The following SON variants were observed in gnomAD, a reference collection of about 807,000 sequenced individuals.
SON encodes the protein protein SON.
SON carries 4 observed loss-of-function variants against 173.3 expected under a neutral mutation model. The observed-to-expected ratio is 0.02, with a 90% CI of 0.01 to 0.05. The LOEUF is 0.05. Among genes scored for constraint, SON ranks in the 10% least tolerant of loss-of-function variants. The probability of loss-of-function intolerance (pLI) is 1.00; values close to 1 mark genes in which losing one functional copy is unlikely to be tolerated. For missense variants in SON, 2,626 were observed against 3,055.3 expected, an observed-to-expected ratio of 0.86 and a Z score of 3.31; for synonymous variants, 1,190 against 1,105.9, an observed-to-expected ratio of 1.08 and a Z score of -1.51.
Position 33,552,119 on chromosome 21 carries a change from A to C in SON, c.2888A>C (p.Tyr963Ser). 1.2e-6 allele frequency: 2 copies of C among 1,614,048 alleles called. No individual in the cohort carries two copies. Among genetic ancestry groups the C allele is most frequent in the East Asian group, 2.2e-5 (1 of 44,878 alleles). Reference sequence around the variant, plus strand: ...CCCTACAGACTAACTCCTGATCCCTATAGGATGTCACCTAGACCCTACAGG... The same window carrying C: ...CCCTACAGACTAACTCCTGATCCCTCTAGGATGTCACCTAGACCCTACAGG... Reference protein sequence around the residue: ...HDPYRLTPDPYRMSPRPYRIA... With the variant: ...HDPYRLTPDPSRMSPRPYRIA... Residue 963 changes from tyrosine (Y) to serine (S), a missense_variant, in exon 3 of 12, where the codon TAT becomes TCT. By Grantham distance (144) the Tyr-to-Ser change is moderately radical. This residue lies in a region of SON where 366 missense variants were observed against 448.6 expected (regional missense o/e 0.82). Transcript: ENST00000356577. This position sits in a 1 kb window ranked among gnomAD's most constrained non-coding sequence, Gnocchi z 5.6.
chr21:33,559,479 G>T lies in SON; in HGVS notation c.6468+103G>T, dbSNP rs1389430131. On this transcript the variant is annotated intron_variant, in intron 5 of 11. Coordinates refer to ENST00000356577, the MANE Select transcript of SON (RefSeq NM_138927.4). This position sits in a 1 kb window ranked among gnomAD's most constrained non-coding sequence, Gnocchi z 4.1. ...TTTATTAATTTTTGTTTTAAATACT[G>T]TGAGAAATAATGGATAATATCATTT... 1 of 1,473,004 alleles carries T rather than the reference G, an allele frequency of 6.8e-7. No individual in the cohort carries two copies. Among genetic ancestry groups the T allele is most frequent in the Non-Finnish European group, 9.2e-7 (1 of 1,090,700 alleles). The allele number at this position is 1,473,004 out of a possible 1,614,324, so 91.2% of individuals were successfully genotyped here.
At position 33,566,499 on chromosome 21, in the gene SON, G is replaced by A. The variant is rs548526295; in HGVS notation, c.6658-658G>A. Among the ~76,000 whole-genome samples the A allele has an allele frequency of 2.2e-3, 330 of 148,220 alleles. 2 individuals carry two copies. The highest frequency in any genetic ancestry group is 7.9e-3 in the African/African-American group (315 of 39,946). ...ACAAAAGTGTTTCAGTTGATGTTAT[G>A]GACTTCCACAGAAATATTGTAATTA... is the stretch of plus-strand genomic sequence containing the variant. On this transcript the variant is annotated intron_variant, in intron 6 of 11. Coordinates refer to ENST00000356577, the MANE Select transcript of SON (RefSeq NM_138927.4).
In SON at chr21:33,550,894, A is replaced by G. The variant is rs1164411978; in HGVS notation, c.1663A>G (p.Thr555Ala). The G allele has an allele frequency of 7.5e-6, 12 of 1,609,354 alleles. No homozygotes were observed. The highest frequency in any genetic ancestry group is 1.3e-5 in the African/African-American group (1 of 74,404). Reference protein sequence around the residue: ...VLELPGQPVATTALELPGQPS... With the variant: ...VLELPGQPVAATALELPGQPS... ...GGAGTTGCCAGGACAGCCAGTGGCA[A>G]CGACAGCGCTGGAGTTGCCGGGGCA... Residue 555 changes from threonine to alanine, a missense_variant, in exon 3 of 12, where the codon ACG becomes GCG. Thr to Ala is a moderately conservative substitution (Grantham distance 58, BLOSUM62 0). This residue lies in a region of SON where 757 missense variants were observed against 730.1 expected (regional missense o/e 1.04). Coordinates refer to ENST00000356577, the MANE Select transcript of SON (RefSeq NM_138927.4).
chr21:33,566,141 CTACT>C (rs963082308), intron 6 of SON, among the ~76,000 whole-genome samples: 2 of 152,066 alleles, frequency 1.3e-5, no homozygotes, highest in Non-Finnish European at 2.9e-5. Context: ...CATGCAGTGT[CTACT>C]TATTCTTTGT....
chr21:33,566,818 A>G (rs1432813009), intron 6 of SON, among the ~76,000 whole-genome samples: 32 of 152,184 alleles, frequency 2.1e-4, no homozygotes, highest in Non-Finnish European at 7.4e-5. Context: ...GCAGTTTACT[A>G]TAAATGGCTT....
intron 4 of SON, 88 bp downstream of exon 4, chr21:33,557,404 A>C: frequency 6.4e-7 from 1 of 1,552,078 alleles, no homozygotes. Flanking sequence ...AATTGTGGGC[A>C]GAACTGATAA....
chr21:33,565,963 G>A lies in SON; in HGVS notation c.6658-1194G>A, dbSNP rs187948506. On this transcript the variant is annotated intron_variant, in intron 6 of 11. Transcript: ENST00000356577. ...AAGATTTGTGAATCCTTATGCATGA[G>A]TTATAATTATTCTCATAGTCATACA... 2.4e-4 allele frequency among the ~76,000 whole-genome samples: 37 copies of A among 152,274 alleles called. 1 individual carries two copies. Among genetic ancestry groups the A allele is most frequent in the Admixed American group, 1.8e-3 (28 of 15,304 alleles).
At chr21:33,572,502 A>G (rs2145881355) in intron 8 of SON, 1 of 1,150,522 alleles carries the variant, frequency 8.7e-7, no homozygotes, top group East Asian at 5.8e-5. Context: ...ATGACTGTTC[A>G]CAGAATAACC....
chr21:33,544,950 C>T (rs754127051), intron 1 of SON, among the ~76,000 whole-genome samples: 2 of 152,320 alleles, frequency 1.3e-5, no homozygotes, highest in East Asian at 3.9e-4. Flanking sequence ...TTCTCTTCAA[C>T]ACATAATGCG....
In SON at chr21:33,559,306, A is replaced by C; in HGVS notation, c.6398A>C (p.Glu2133Ala). 2 of 1,612,832 alleles carry C rather than the reference A, an allele frequency of 1.2e-6. No homozygotes were observed. The highest frequency in any genetic ancestry group is 1.7e-6 in the Non-Finnish European group (2 of 1,179,302). Residue 2133 changes from glutamate (E) to alanine (A), a missense_variant, in exon 5 of 12, where the codon GAA becomes GCA. By Grantham distance (107) the Glu-to-Ala change is moderately radical. Transcript: ENST00000356577. The surrounding 1 kb of genome is among the most constrained non-coding windows in gnomAD (Gnocchi z 4.1). ...VNKPHVSDEE[E>A]EEPPFYHHPF... is the part of the protein sequence containing the mutation. ...AAACCTCATGTTTCGGATGAAGAGGAAGAAGAACCTCCTTTTTATCATCAT... is the reference window on the plus strand; with the variant it reads ...AAACCTCATGTTTCGGATGAAGAGGCAGAAGAACCTCCTTTTTATCATCAT...
In SON at chr21:33,546,359, C is replaced by A. The variant is rs779587376; in HGVS notation, c.224C>A (p.Thr75Lys). The change falls in exon 2 of 12, where the codon ACA becomes AAA. Residue 75 changes from threonine (T) to lysine (K), a missense_variant. Thr to Lys is a moderately conservative substitution (Grantham distance 78). Coordinates refer to ENST00000356577, the MANE Select transcript of SON (RefSeq NM_138927.4). The stretch of plus-strand genomic sequence containing the variant: ...GAAGTACTTTCTGGGGTCTTAGATA[C>A]AGAACTACGATATAAGCCAGGTAAG... ...IEEVLSGVLD[T>K]ELRYKPDLKE... The A allele has an allele frequency of 6.2e-7, 1 of 1,610,286 alleles. No individual in the cohort carries two copies. The highest frequency in any genetic ancestry group is 8.5e-7 in the Non-Finnish European group (1 of 1,178,856).
chr21:33,555,544 GA>G (rs2085950338), intron 3 of SON, among the ~76,000 whole-genome samples, 153 bp downstream of exon 3: 1 of 152,144 alleles, frequency 6.6e-6, no homozygotes, highest in African/African-American at 2.4e-5. Context: ...CTGTATTTAG[GA>G]ACTACTGGGA....
chr21:33,553,238 C>A lies in SON; in HGVS notation c.4007C>A (p.Thr1336Asn). The A allele has an allele frequency of 6.2e-7, 1 of 1,614,174 alleles. No individual in the cohort carries two copies. The highest frequency in any genetic ancestry group is 8.5e-7 in the Non-Finnish European group (1 of 1,180,034). The change falls in exon 3 of 12, where the codon ACT (threonine) becomes AAT (asparagine). Residue 1336 changes from threonine (T) to asparagine (N), a missense_variant. Thr to Asn is a moderately conservative substitution (Grantham distance 65). This residue lies in a region of SON where 1,006 missense variants were observed against 895.6 expected (regional missense o/e 1.12). Coordinates refer to ENST00000356577, the MANE Select transcript of SON (RefSeq NM_138927.4). Reference protein sequence around the residue: ...STSLLVPAVTTPVLAESILEP... With the variant: ...STSLLVPAVTNPVLAESILEP... ...TCCTTGTTGGTTCCAGCAGTAACTACTCCAGTGCTGGCAGAGAGCATTCTG... is the reference window on the plus strand; with the variant it reads ...TCCTTGTTGGTTCCAGCAGTAACTAATCCAGTGCTGGCAGAGAGCATTCTG...
rs1485784359 is a variant in SON, at chr21:33,547,911, G to A, written c.244+1532G>A. On this transcript the variant is annotated intron_variant, in intron 2 of 11. Transcript: ENST00000356577. ...TTGTATTTTTTTTTTTTTTAGTAGA[G>A]ACGGGGTTTTACCGTGTTAGCCAGG... 2.0e-5 allele frequency among the ~76,000 whole-genome samples: 3 copies of A among 150,454 alleles called. No individual in the cohort carries two copies. In the East Asian group the frequency reaches 5.9e-4, roughly 29 times the overall value.
At chr21:33,575,470 C>A (rs942932673) in intron 9 of SON, 126 bp from the exon 10 acceptor site, 2 of 524,364 alleles carry the variant, frequency 3.8e-6, no homozygotes, top group African/African-American at 1.9e-5. Context: ...ATAGAGAAAT[C>A]GAGTGTACTA....
intron 3 of SON, among the ~76,000 whole-genome samples, chr21:33,555,926 TAGC>T (rs1244470910): frequency 6.6e-6 from 1 of 152,248 alleles, no homozygotes; most frequent in Non-Finnish European, 1.5e-5. Context: ...TAGGTGATAC[TAGC>T]TAAATAAAGT....
chr21:33,576,725 A>G lies in SON; in HGVS notation c.*301A>G. ...AGGCTTTGATTTTTGTACCATGGAA[A>G]TTGTATTTAACCATACAGGGTTTTG... On this transcript the variant is annotated 3_prime_UTR_variant, in exon 12 of 12. Coordinates refer to ENST00000356577, the MANE Select transcript of SON (RefSeq NM_138927.4). The G allele has an allele frequency of 6.3e-6, 3 of 479,802 alleles. No individual in the cohort carries two copies. The highest frequency in any genetic ancestry group is 6.2e-5 in the South Asian group (3 of 48,344). The allele number at this position is 479,802 out of a possible 1,614,324, so 29.7% of individuals were successfully genotyped here.
At chr21:33,571,686 A>G (rs1371706922) in intron 8 of SON, 2 of 152,634 alleles carry the variant, frequency 1.3e-5, no homozygotes, top group Non-Finnish European at 2.9e-5. Flanking sequence ...GAATGGAAAC[A>G]AAATTGGAAA....
intron 4 of SON, chr21:33,558,959 C>CTTT (rs71194851): frequency 6.2e-4 from 74 of 118,800 alleles, no homozygotes; most frequent in Non-Finnish European, 7.3e-4. Flanking sequence ...ATGTCTTCTA[C>CTTT]TTTTTTTTTT....
Sources: allele counts gnomAD v4.1 joint callset (sites outside exome capture counted in the v4.1 genomes callset), GRCh38; gene constraint gnomAD v4.1.1; regional missense constraint gnomAD v4.1.1; non-coding constraint Gnocchi (gnomAD v3.1); transcripts MANE v1.5; gene names NCBI Gene and HGNC (gene_info 2026-07-23, HGNC 2026-07-21).